The following ADAMTS18 variants were observed in gnomAD, a reference collection of about 807,000 sequenced individuals.
ADAMTS18 encodes the protein A disintegrin and metalloproteinase with thrombospondin motifs 18.
Under a neutral mutation model 165.9 loss-of-function variants are expected in ADAMTS18, and 157 were observed. The observed-to-expected ratio is 0.95, with a 90% CI of 0.83 to 1.08. The LOEUF is 1.08. Among genes scored for constraint, ADAMTS18 ranks in the 50% least tolerant of loss-of-function variants. The pLI is 0.00. For synonymous variants in ADAMTS18, 782 were observed against 578.2 expected (o/e 1.35, Z -5.06); for missense variants, 2,040 against 1,534.0 (o/e 1.33, Z -5.51).
intron 5 of ADAMTS18, 117 bp from the exon 6 acceptor site, chr16:77,364,002 T>C (rs1948718): frequency 0.42 from 499,397 of 1,197,246 alleles, 110,231 homozygotes; most frequent in Non-Finnish European, 0.46. Context: ...TATGTACATA[T>C]AAATACAATT....
At chr16:77,321,338 C>T in intron 14 of ADAMTS18, 136 bp from the exon 15 acceptor site, 1 of 1,208,998 alleles carries the variant, frequency 8.3e-7, no homozygotes, top group East Asian at 2.5e-5. Flanking sequence ...AAATCACAGC[C>T]TCAAGTTGGA....
intron 22 of ADAMTS18, among the ~76,000 whole-genome samples, chr16:77,286,066 C>T (rs2055244738): frequency 6.6e-6 from 1 of 152,138 alleles, no homozygotes; most frequent in Non-Finnish European, 1.5e-5. Flanking sequence ...GGCCTCCAGT[C>T]CCACTTTTCA....
At chr16:77,415,805 C>T (rs970443590) in intron 3 of ADAMTS18, among the ~76,000 whole-genome samples, 2 of 150,924 alleles carry the variant, frequency 1.3e-5, no homozygotes, top group African/African-American at 4.9e-5. Context: ...ATGTTTTTCC[C>T]AATGGATGAA....
intron 3 of ADAMTS18, among the ~76,000 whole-genome samples, chr16:77,398,568 T>C (rs757073690): frequency 5.9e-5 from 9 of 152,132 alleles, no homozygotes; most frequent in African/African-American, 1.4e-4. Flanking sequence ...TTTTAAGGCA[T>C]TGGTCTAGAT....
chr16:77,359,022 G>C (rs886180743), intron 8 of ADAMTS18, among the ~76,000 whole-genome samples: 1 of 151,818 alleles, frequency 6.6e-6, no homozygotes, highest in Non-Finnish European at 1.5e-5. Flanking sequence ...GAATCAGCTA[G>C]AAGTGTCTTC....
intron 3 of ADAMTS18, among the ~76,000 whole-genome samples, chr16:77,379,965 G>C (rs2057008610): frequency 6.6e-6 from 1 of 152,174 alleles, no homozygotes; most frequent in Non-Finnish European, 1.5e-5. Flanking sequence ...TTGGCATGCA[G>C]TGTCTATGCA....
intron 3 of ADAMTS18, among the ~76,000 whole-genome samples, chr16:77,420,396 G>T (rs2057586636): frequency 6.6e-6 from 1 of 151,960 alleles, no homozygotes; most frequent in Non-Finnish European, 1.5e-5. Context: ...GACTACCCTG[G>T]GGAGTCTTTA....
At chr16:77,347,998 G>T (rs911903449) in intron 10 of ADAMTS18, among the ~76,000 whole-genome samples, 10 of 152,072 alleles carry the variant, frequency 6.6e-5, no homozygotes, top group African/African-American at 2.2e-4. Flanking sequence ...TACATAATAA[G>T]CACTGAATAA....
intron 5 of ADAMTS18, 128 bp downstream of exon 5, chr16:77,364,060 A>G: frequency 7.4e-7 from 1 of 1,354,654 alleles, no homozygotes; most frequent in Non-Finnish European, 1.1e-6. Flanking sequence ...GTAGCTATTA[A>G]AAGTAATGGC....
At chr16:77,422,001 C>CT (rs2057609077) in intron 3 of ADAMTS18, among the ~76,000 whole-genome samples, 2 of 152,136 alleles carry the variant, frequency 1.3e-5, no homozygotes, top group South Asian at 4.1e-4. Flanking sequence ...AGATGTTTGG[C>CT]TAATGCAATT....
At chr16:77,426,206 C>T (rs770609428) in intron 3 of ADAMTS18, among the ~76,000 whole-genome samples, 1 of 152,144 alleles carries the variant, frequency 6.6e-6, no homozygotes, top group Non-Finnish European at 1.5e-5. Flanking sequence ...TTTTCCCTAA[C>T]TTGTATGACC....
chr16:77,382,297 G>A (rs964461304), intron 3 of ADAMTS18, among the ~76,000 whole-genome samples: 12 of 151,954 alleles, frequency 7.9e-5, no homozygotes, highest in South Asian at 4.2e-4. Context: ...TGCAAGCTCC[G>A]CTGCCCTGGT....
chr16:77,410,148 G>A (rs1281100243), intron 3 of ADAMTS18, among the ~76,000 whole-genome samples: 6 of 151,870 alleles, frequency 4.0e-5, no homozygotes, highest in South Asian at 2.1e-4. Flanking sequence ...AAAGTTTTAC[G>A]AATACCCATT....
intron 22 of ADAMTS18, among the ~76,000 whole-genome samples, chr16:77,286,526 A>G (rs2055254519): frequency 6.6e-6 from 1 of 152,162 alleles, no homozygotes; most frequent in East Asian, 1.9e-4. Flanking sequence ...AGTAAGCATT[A>G]TTTCCCAGTT....
At chr16:77,318,777 C>A (rs914858320) in intron 16 of ADAMTS18, among the ~76,000 whole-genome samples, 3 of 151,976 alleles carry the variant, frequency 2.0e-5, no homozygotes, top group Non-Finnish European at 4.4e-5. Flanking sequence ...CACTTGATTC[C>A]TTATTTTTCT....
In ADAMTS18 at chr16:77,297,338, T is replaced by C. The variant is rs138435590; in HGVS notation, c.2752A>G (p.Lys918Glu). The change falls in exon 18 of 23, where the codon AAG becomes GAG. Residue 918 changes from lysine to glutamate, a missense_variant. By Grantham distance (56) the Lys-to-Glu change is moderately conservative. Coordinates refer to ENST00000282849, the MANE Select transcript of ADAMTS18 (RefSeq NM_199355.4). The stretch of plus-strand genomic sequence containing the variant: ...CAGATTTTGGGCTCAGTTACTGGCT[T>C]GGTTTTTGCACTGCAGAATGAGGAA... ...VNSSFCSAKT[K>E]PVTEPKICNA... 1,225 of 1,614,170 alleles carry C rather than the reference T, an allele frequency of 7.6e-4. 2 individuals carry two copies. The highest frequency in any genetic ancestry group is 4.5e-3 in the Middle Eastern group (27 of 6,062).
intron 3 of ADAMTS18, among the ~76,000 whole-genome samples, chr16:77,405,566 T>C (rs1290044979): frequency 2.0e-5 from 3 of 152,226 alleles, no homozygotes; most frequent in African/African-American, 4.8e-5. Flanking sequence ...TCTGCTTTAA[T>C]AGATGGGAGA....
chr16:77,415,595 T>C (rs1404997872), intron 3 of ADAMTS18, among the ~76,000 whole-genome samples: 3 of 152,124 alleles, frequency 2.0e-5, no homozygotes, highest in Non-Finnish European at 4.4e-5. Flanking sequence ...TCTGATGTTC[T>C]GACTAGTCAG....
chr16:77,339,243 T>G lies in ADAMTS18; in HGVS notation c.1710+2461A>C, dbSNP rs117653760. Among the ~76,000 whole-genome samples the G allele has an allele frequency of 7.6e-3, 1,159 of 152,220 alleles. 5 individuals are homozygous for G. Among genetic ancestry groups the G allele is most frequent in the Middle Eastern group, 0.017 (5 of 294 alleles). The stretch of plus-strand genomic sequence containing the variant: ...AATCTGAGGAAACCGTATATGAATG[T>G]AATAATCATTACACGGGAGTGATGA... On this transcript the variant is annotated intron_variant, in intron 11 of 22. Coordinates refer to ENST00000282849, the MANE Select transcript of ADAMTS18 (RefSeq NM_199355.4).
Sources: allele counts gnomAD v4.1 joint callset (sites outside exome capture counted in the v4.1 genomes callset), GRCh38; gene constraint gnomAD v4.1.1; transcripts MANE v1.5; gene names NCBI Gene and HGNC (gene_info 2026-07-23, HGNC 2026-07-21).